PADI1: variants seen among roughly 807,000 people sequenced by gnomAD.
The protein encoded by PADI1 is peptidyl arginine deiminase 1, also known as protein-arginine deiminase type-1.
PADI1 carries 65 observed loss-of-function variants against 74.8 expected under a neutral mutation model. The ratio of observed to expected loss-of-function variants is 0.87; its 90% CI spans 0.71 to 1.07. PADI1 has a LOEUF of 1.07. Among genes scored for constraint, PADI1 ranks in the 50% least tolerant of loss-of-function variants. The probability of loss-of-function intolerance (pLI) is 0.00; values close to 1 mark genes in which losing one functional copy is unlikely to be tolerated. For synonymous variants in PADI1, 371 were observed against 336.2 expected (o/e 1.10, Z -1.13); for missense variants, 943 against 854.0 (o/e 1.10, Z -1.30).
chr1:17,214,657 G>A (rs2071926645), intron 1 of PADI1, among the ~76,000 whole-genome samples: 1 of 152,146 alleles, frequency 6.6e-6, no homozygotes, highest in Admixed American at 6.5e-5. Context: ...GAAGCCGGGA[G>A]CAGCTCCAGA....
At chr1:17,225,068 C>A (rs992405048) in intron 4 of PADI1, among the ~76,000 whole-genome samples, 1 of 152,172 alleles carries the variant, frequency 6.6e-6, no homozygotes, top group African/African-American at 2.4e-5. Context: ...TGATACAAAT[C>A]ATGTCTAGGG....
At chr1:17,241,497 A>G (rs1195215044) in intron 15 of PADI1, among the ~76,000 whole-genome samples, 1 of 150,240 alleles carries the variant, frequency 6.7e-6, no homozygotes, top group African/African-American at 2.5e-5. Flanking sequence ...CAGGGTTGGA[A>G]GTGAAAGTCG....
chr1:17,230,296 G>C lies in PADI1; in HGVS notation c.1053+88G>C. On this transcript the variant is annotated intron_variant, in intron 9 of 15. Transcript: ENST00000375471. ...GTGCCTGATGGACCCAGTGTCGCTA[G>C]AGAAGCCACGGCAGCCTGGGCCAGG... 4.0e-6 allele frequency: 6 copies of C among 1,502,582 alleles called. No individual in the cohort carries two copies. In the South Asian group the frequency reaches 6.4e-5, roughly 16 times the overall value. The allele number at this position is 1,502,582 out of a possible 1,614,324, so 93.1% of individuals were successfully genotyped here. A position where few individuals can be genotyped will look rare whatever the true frequency, so the allele number is the denominator to read the frequency against.
At chr1:17,232,798 G>A (rs1427271524) in intron 10 of PADI1, 21 bp from the exon 11 acceptor site, 3 of 1,600,228 alleles carry the variant, frequency 1.9e-6, no homozygotes, top group Non-Finnish European at 8.5e-7. Context: ...TGGGGTGGGG[G>A]TCTCGCTGGT....
At chr1:17,239,100 G>C (rs1299404807) in intron 13 of PADI1, among the ~76,000 whole-genome samples, 2 of 152,218 alleles carry the variant, frequency 1.3e-5, no homozygotes, top group African/African-American at 4.8e-5. Flanking sequence ...GAGAAGCCAG[G>C]CTTGGTCAGG....
rs192118183 is a variant in PADI1, at chr1:17,240,286, T to G, written c.1633-349T>G. On this transcript the variant is annotated intron_variant, in intron 14 of 15. Transcript: ENST00000375471. Reference sequence around the variant, plus strand: ...TTAATGGCAGGAGGGCCCTTACCCCTTCCCGGTAGTGCCCAGCGCTTTCTC... The same window carrying G: ...TTAATGGCAGGAGGGCCCTTACCCCGTCCCGGTAGTGCCCAGCGCTTTCTC... The G allele has an allele frequency of 3.1e-4, 77 of 244,734 alleles. No homozygotes were observed. In the East Asian group the frequency reaches 6.9e-3, roughly 22 times the overall value. The allele number at this position is 244,734 out of a possible 1,614,324, so 15.2% of individuals were successfully genotyped here.
chr1:17,230,650 C>A lies in PADI1; in HGVS notation c.1132C>A (p.Leu378Met). The A allele has an allele frequency of 6.2e-7, 1 of 1,610,294 alleles. No individual in the cohort carries two copies. The highest frequency in any genetic ancestry group is 8.5e-7 in the Non-Finnish European group (1 of 1,177,186). Residue 378 changes from leucine to methionine, a missense_variant, in exon 10 of 16, where the codon CTG (leucine) becomes ATG (methionine). By Grantham distance (15) the Leu-to-Met change is conservative. Coordinates refer to ENST00000375471, the MANE Select transcript of PADI1 (RefSeq NM_013358.3). ...VVFDSPRNRG[L>M]KDFPYKRILG... The stretch of plus-strand genomic sequence containing the variant: ...CTTTGACTCCCCCAGGAACAGGGGC[C>A]TGAAAGATTTCCCCTATAAGAGGAT...
chr1:17,240,565 C>T (rs769868033), intron 14 of PADI1, 70 bp from the exon 15 acceptor site: 70 of 1,563,446 alleles, frequency 4.5e-5, no homozygotes, highest in Admixed American at 5.2e-5. Context: ...ACGGGCCCAG[C>T]GCACAGTAGG....
At position 17,206,683 on chromosome 1, in the gene PADI1, CTTTTTTT is replaced by C. The variant is rs796276122; in HGVS notation, c.92+1389_92+1395del. 9.2e-3 allele frequency among the ~76,000 whole-genome samples: 1,010 copies of C among 109,766 alleles called. 16 individuals are homozygous for C. The highest frequency in any genetic ancestry group is 0.032 in the African/African-American group (964 of 29,880). 72.0% of individuals were successfully genotyped at this position (109,766 alleles called of 152,430 possible). On this transcript the variant is annotated intron_variant, in intron 1 of 15. Transcript: ENST00000375471. Reference sequence around the variant, plus strand: ...AAGCTGAAGTCTTTTTTTTCTTTTTCTTTTTTTTTTTTTTTTTTTTTGAGATGGAGTC... The same window carrying C: ...AAGCTGAAGTCTTTTTTTTCTTTTTCTTTTTTTTTTTTTTGAGATGGAGTC...
intron 6 of PADI1, 25 bp from the exon 7 acceptor site, chr1:17,228,600 A>T: frequency 6.2e-7 from 1 of 1,613,472 alleles, no homozygotes; most frequent in South Asian, 1.1e-5. Context: ...TCTCCTCGCT[A>T]GCCCCTGACT....
intron 4 of PADI1, 124 bp downstream of exon 4, chr1:17,224,552 G>A (rs1004784836): frequency 6.6e-6 from 5 of 757,802 alleles, no homozygotes; most frequent in African/African-American, 5.2e-5. Context: ...ATCCAACCAT[G>A]TAGGGAACCC....
intron 11 of PADI1, among the ~76,000 whole-genome samples, chr1:17,234,575 C>G (rs1384676608): frequency 6.6e-6 from 1 of 152,240 alleles, no homozygotes; most frequent in African/African-American, 2.4e-5. Context: ...CCCTGTGAGA[C>G]TGAGACCATC....
intron 1 of PADI1, among the ~76,000 whole-genome samples, chr1:17,208,197 C>G (rs569138359): frequency 1.3e-5 from 2 of 152,214 alleles, no homozygotes; most frequent in Non-Finnish European, 2.9e-5. Flanking sequence ...GGAGTCTGAG[C>G]CCTCCAGGAG....
intron 6 of PADI1, 71 bp from the exon 7 acceptor site, chr1:17,228,554 G>A: frequency 6.5e-7 from 1 of 1,549,042 alleles, no homozygotes; most frequent in Non-Finnish European, 8.9e-7. Context: ...AGGGGGCTCT[G>A]TCCTGGATTC....
Position 17,225,214 on chromosome 1 carries a change from G to A in PADI1, c.409-597G>A, listed in dbSNP as rs983765056. Among the ~76,000 whole-genome samples the A allele has an allele frequency of 2.6e-5, 4 of 152,186 alleles. No homozygotes were observed. The South Asian group carries it at 8.3e-4, about 32-fold the overall frequency. On this transcript the variant is annotated intron_variant, in intron 4 of 15. Transcript: ENST00000375471. ...GGGACTCACCTCTCAGAACCTCCCC[G>A]CACCCTTCTGTGAAATGGGGAAAGT...
In PADI1 at chr1:17,226,625, TA is replaced by T; in HGVS notation, c.652+474del. ...AGTTTTTATTAATCAGCCTGTGGCT[TA>T]AAAAAATATGGCCAAGGCTGGGCGC... On this transcript the variant is annotated intron_variant, in intron 6 of 15. Transcript: ENST00000375471. 2.0e-5 allele frequency among the ~76,000 whole-genome samples: 3 copies of T among 152,132 alleles called. No homozygotes were observed. In the South Asian group the frequency reaches 6.2e-4, roughly 32 times the overall value.
chr1:17,226,650 G>A (rs1050803034), intron 6 of PADI1, among the ~76,000 whole-genome samples: 3 of 152,146 alleles, frequency 2.0e-5, no homozygotes, highest in South Asian at 2.1e-4. Flanking sequence ...AAGGCTGGGC[G>A]CAATGACTCA....
intron 6 of PADI1, 33 bp downstream of exon 6, chr1:17,226,191 C>A (rs763734489): frequency 6.2e-7 from 1 of 1,611,234 alleles, no homozygotes; most frequent in Admixed American, 1.7e-5. Flanking sequence ...TTCCTCCCAG[C>A]TCCATCCATA....
At chr1:17,223,218 G>T (rs72646751) in intron 2 of PADI1, among the ~76,000 whole-genome samples, 7,287 of 152,264 alleles carry the variant, frequency 0.048, 205 homozygotes, top group East Asian at 0.095. Flanking sequence ...CCACTGACTG[G>T]GGTGATGGAG....
Sources: gnomAD v4.1 joint callset for allele counts (sites outside exome capture counted in the v4.1 genomes callset) on GRCh38, gnomAD v4.1.1 for gene constraint, MANE v1.5 for transcripts, NCBI Gene and HGNC (gene_info 2026-07-23, HGNC 2026-07-21) for gene names.